Variants in SLC24A3 observed in about 807,000 individuals in gnomAD.
The protein encoded by SLC24A3 is solute carrier family 24 member 3.
Under a neutral mutation model 75.8 loss-of-function variants are expected in SLC24A3, and 28 were observed. The ratio of observed to expected loss-of-function variants is 0.37; its 90% CI spans 0.27 to 0.51. The LOEUF (loss-of-function observed/expected upper bound fraction) is 0.51. SLC24A3 is among the 20% of genes least tolerant of loss of function. The pLI is 0.94. For missense variants in SLC24A3, 663 were observed against 847.8 expected (o/e 0.78, Z 2.71); for synonymous variants, 372 against 334.1 (o/e 1.11, Z -1.24).
chr20:19,279,489 C>T (rs951665272), intron 1 of SLC24A3, among the ~76,000 whole-genome samples: 4 of 152,212 alleles, frequency 2.6e-5, no homozygotes, highest in Non-Finnish European at 4.4e-5. Context: ...GTGGTCAAGG[C>T]TGTTGGCTAC....
At chr20:19,272,023 G>A (rs73278910) in intron 1 of SLC24A3, among the ~76,000 whole-genome samples, 3,017 of 152,352 alleles carry the variant, frequency 0.02, 112 homozygotes, top group African/African-American at 0.067. Context: ...GGGAGAAAGC[G>A]TATTCAGGTG....
chr20:19,477,141 A>G (rs1001435279), intron 2 of SLC24A3, among the ~76,000 whole-genome samples: 1 of 152,032 alleles, frequency 6.6e-6, no homozygotes, highest in African/African-American at 2.4e-5. Flanking sequence ...TGGGAAAGGA[A>G]GTACTCCTTC....
At chr20:19,685,071 G>A (rs368940322) in intron 11 of SLC24A3, 29 bp from the exon 12 acceptor site, 52 of 1,575,812 alleles carry the variant, frequency 3.3e-5, no homozygotes, top group Admixed American at 1.2e-4. Context: ...CCCTCTGACC[G>A]TGGTAAGAGT....
chr20:19,446,561 G>T (rs1987389086), intron 2 of SLC24A3, among the ~76,000 whole-genome samples: 1 of 152,178 alleles, frequency 6.6e-6, no homozygotes, highest in Non-Finnish European at 1.5e-5. Context: ...CTGTATTCAG[G>T]TGACTTGGAT....
At chr20:19,549,171 G>C (rs1206959190) in intron 3 of SLC24A3, among the ~76,000 whole-genome samples, 1 of 152,202 alleles carries the variant, frequency 6.6e-6, no homozygotes, top group Non-Finnish European at 1.5e-5. Flanking sequence ...TCAGTCACAT[G>C]ATGGCACCTA....
At chr20:19,618,442 C>T (rs1944468262) in intron 6 of SLC24A3, among the ~76,000 whole-genome samples, 1 of 152,162 alleles carries the variant, frequency 6.6e-6, no homozygotes, top group Admixed American at 6.5e-5. Context: ...TCCTAATTTC[C>T]TGTTCTTATA....
At chr20:19,400,080 C>T (rs941871269) in intron 2 of SLC24A3, among the ~76,000 whole-genome samples, 16 of 152,262 alleles carry the variant, frequency 1.1e-4, no homozygotes, top group African/African-American at 2.9e-4. Context: ...TTTCTAATGT[C>T]GTGGCTCTAA....
intron 1 of SLC24A3, among the ~76,000 whole-genome samples, chr20:19,227,712 C>A (rs1981908434): frequency 6.6e-6 from 1 of 152,084 alleles, no homozygotes; most frequent in Admixed American, 6.5e-5. Flanking sequence ...GTACCAGAGG[C>A]AAATATTTTA....
At chr20:19,402,663 G>T (rs1986573903) in intron 2 of SLC24A3, among the ~76,000 whole-genome samples, 1 of 152,158 alleles carries the variant, frequency 6.6e-6, no homozygotes, top group Non-Finnish European at 1.5e-5. Flanking sequence ...TTTGACAGAT[G>T]AAAGCTGTAA....
rs1319333438 is a variant in SLC24A3 at position 19,671,287 on chromosome 20, C to T, written c.714-2314C>T. 2.0e-5 allele frequency among the ~76,000 whole-genome samples: 3 copies of T among 152,060 alleles called. No individual in the cohort carries two copies. The East Asian group carries it at 5.8e-4, about 29-fold the overall frequency. Reference sequence around the variant, plus strand: ...CAAATGAAAGGCCATTGAGGTGGGGCACAGATAGGACACAAGACAACATGG... The same window carrying T: ...CAAATGAAAGGCCATTGAGGTGGGGTACAGATAGGACACAAGACAACATGG... On this transcript the variant is annotated intron_variant, in intron 8 of 16. Coordinates refer to ENST00000328041, the MANE Select transcript of SLC24A3 (RefSeq NM_020689.4).
chr20:19,662,596 G>T (rs189275762), intron 7 of SLC24A3, among the ~76,000 whole-genome samples: 3 of 152,364 alleles, frequency 2.0e-5, no homozygotes, highest in East Asian at 3.9e-4. Context: ...GTGGTCATTT[G>T]CAGGAACTGC....
chr20:19,692,978 C>T (rs1462220452), intron 12 of SLC24A3, among the ~76,000 whole-genome samples: 1 of 152,082 alleles, frequency 6.6e-6, no homozygotes, highest in Non-Finnish European at 1.5e-5. Context: ...GCCAAACCAT[C>T]CCCCTAGCCT....
chr20:19,373,004 G>A (rs1377195976), intron 2 of SLC24A3, among the ~76,000 whole-genome samples: 1 of 152,086 alleles, frequency 6.6e-6, no homozygotes, highest in African/African-American at 2.4e-5. Context: ...AAAGACTCAT[G>A]CCTAACTTAG....
intron 2 of SLC24A3, among the ~76,000 whole-genome samples, chr20:19,433,327 A>T (rs1381782702): frequency 6.6e-6 from 1 of 152,248 alleles, no homozygotes; most frequent in African/African-American, 2.4e-5. Flanking sequence ...ATGAGCTTAC[A>T]AAATCCAGAT....
chr20:19,360,196 G>A (rs1985761028), intron 2 of SLC24A3, among the ~76,000 whole-genome samples: 1 of 152,182 alleles, frequency 6.6e-6, no homozygotes, highest in Non-Finnish European at 1.5e-5. Context: ...GGGTTTTGCT[G>A]ATACCATCTT....
At chr20:19,495,247 G>A (rs1362614055) in intron 2 of SLC24A3, among the ~76,000 whole-genome samples, 1 of 152,156 alleles carries the variant, frequency 6.6e-6, no homozygotes, top group Non-Finnish European at 1.5e-5. Flanking sequence ...TTCTGAGCGG[G>A]CACCAACAGC....
chr20:19,482,156 G>A (rs41391846), intron 2 of SLC24A3, among the ~76,000 whole-genome samples: 15,132 of 152,166 alleles, frequency 0.099, 808 homozygotes, highest in Admixed American at 0.1. Context: ...AAATGCAAAT[G>A]GCTTCCCATT....
chr20:19,481,279 A>G (rs1392800752), intron 2 of SLC24A3, among the ~76,000 whole-genome samples: 1 of 152,206 alleles, frequency 6.6e-6, no homozygotes, highest in Non-Finnish European at 1.5e-5. Flanking sequence ...AATAATAACT[A>G]TTGAGCAGTG....
At chr20:19,567,244 T>G (rs2030972704) in intron 3 of SLC24A3, among the ~76,000 whole-genome samples, 1 of 152,160 alleles carries the variant, frequency 6.6e-6, no homozygotes, top group Non-Finnish European at 1.5e-5. Context: ...GCAGCACTAT[T>G]CACAAAAGCA....
Sources: gnomAD v4.1 joint callset for allele counts (sites outside exome capture counted in the v4.1 genomes callset) on GRCh38, gnomAD v4.1.1 for gene constraint, MANE v1.5 for transcripts, NCBI Gene and HGNC (gene_info 2026-07-23, HGNC 2026-07-21) for gene names.